TTC28: variants seen among roughly 807,000 people sequenced by gnomAD.
TTC28 encodes the protein tetratricopeptide repeat domain 28, also known as tetratricopeptide repeat protein 28.
Under a neutral mutation model 198.0 loss-of-function variants are expected in TTC28, and 61 were observed. That is an observed-to-expected ratio of 0.31 (90% confidence interval 0.25 to 0.38). The LOEUF (loss-of-function observed/expected upper bound fraction) is 0.38. Among genes scored for constraint, TTC28 ranks in the 10% least tolerant of loss-of-function variants. The pLI is 1.00. For missense variants in TTC28, 2,678 were observed against 3,164.0 expected, an observed-to-expected ratio of 0.85 and a Z score of 3.69; for synonymous variants, 1,171 against 1,297.8, an observed-to-expected ratio of 0.90 and a Z score of 2.10.
intron 5 of TTC28, among the ~76,000 whole-genome samples, chr22:28,210,422 A>C (rs1926829312): frequency 6.6e-6 from 1 of 152,148 alleles, no homozygotes; most frequent in Non-Finnish European, 1.5e-5. Flanking sequence ...AACTAGAATA[A>C]ACAGTGTAGA....
At chr22:28,432,324 A>T (rs1032507207) in intron 2 of TTC28, among the ~76,000 whole-genome samples, 26 of 151,276 alleles carry the variant, frequency 1.7e-4, no homozygotes, top group South Asian at 2.1e-4. Context: ...AAATAAAAAT[A>T]AAAAAATATA....
chr22:28,425,216 G>A (rs1301930558), intron 2 of TTC28, among the ~76,000 whole-genome samples: 3 of 152,180 alleles, frequency 2.0e-5, no homozygotes, highest in African/African-American at 7.2e-5. Context: ...ACTAAATACA[G>A]CTGGATGTGT....
intron 2 of TTC28, among the ~76,000 whole-genome samples, chr22:28,366,359 A>G (rs1376031832): frequency 6.6e-6 from 1 of 152,118 alleles, no homozygotes; most frequent in Non-Finnish European, 1.5e-5. Context: ...TCTTCTCTCA[A>G]TCACCCATTC....
chr22:28,556,289 G>T (rs1007520310), intron 2 of TTC28, among the ~76,000 whole-genome samples: 3 of 152,084 alleles, frequency 2.0e-5, no homozygotes, highest in Non-Finnish European at 4.4e-5. Context: ...AACTCGGGAG[G>T]CAGAGGTTGC....
chr22:28,167,896 T>A (rs534303277), intron 5 of TTC28, among the ~76,000 whole-genome samples: 2 of 152,218 alleles, frequency 1.3e-5, no homozygotes, highest in East Asian at 1.9e-4. Context: ...TGTTTGCAGA[T>A]GACATGATTG....
chr22:28,369,471 A>G (rs1426147612), intron 2 of TTC28, among the ~76,000 whole-genome samples: 1 of 152,210 alleles, frequency 6.6e-6, no homozygotes, highest in Non-Finnish European at 1.5e-5. Context: ...CATAACAAGT[A>G]TTAGATTAGT....
chr22:28,187,991 G>A (rs1343501547), intron 5 of TTC28, among the ~76,000 whole-genome samples: 4 of 152,186 alleles, frequency 2.6e-5, no homozygotes, highest in African/African-American at 7.2e-5. Context: ...TTCAGTTGAT[G>A]TATTCACCAC....
intron 5 of TTC28, among the ~76,000 whole-genome samples, chr22:28,265,493 G>A (rs1931624986): frequency 6.6e-6 from 1 of 152,142 alleles, no homozygotes; most frequent in Non-Finnish European, 1.5e-5. Flanking sequence ...ATCTGCGGCT[G>A]ACTATAAGGA....
chr22:28,317,270 T>C (rs192339134), intron 2 of TTC28, among the ~76,000 whole-genome samples: 21 of 152,326 alleles, frequency 1.4e-4, no homozygotes, highest in Admixed American at 1.3e-3. Context: ...GTCTATTGAT[T>C]GATTTCCTTG....
Position 27,985,237 on chromosome 22 carries a change from G to A in TTC28, c.5815+12C>T. The A allele has an allele frequency of 6.5e-7, 1 of 1,545,402 alleles. No individual in the cohort carries two copies. Among genetic ancestry groups the A allele is most frequent in the Non-Finnish European group, 8.8e-7 (1 of 1,141,720 alleles). On this transcript the variant is annotated intron_variant, in intron 22 of 22. Coordinates refer to ENST00000397906, the MANE Select transcript of TTC28 (RefSeq NM_001145418.2). ...GCCCTGGTGGAGAACTGGTCTGAGG[G>A]CAGGCTCTTACCAAACAGAGACAGC...
chr22:28,434,073 T>C (rs1457792509), intron 2 of TTC28, among the ~76,000 whole-genome samples: 1 of 152,134 alleles, frequency 6.6e-6, no homozygotes, highest in African/African-American at 2.4e-5. Context: ...TTTCTTAGTT[T>C]AATAAGTAGA....
intron 2 of TTC28, among the ~76,000 whole-genome samples, chr22:28,388,295 T>G: frequency 6.6e-6 from 1 of 152,254 alleles, no homozygotes; most frequent in Non-Finnish European, 1.5e-5. Flanking sequence ...TCCAGCTTTG[T>G]TCTTTTGGCT....
chr22:28,007,102 T>C (rs1312349391), intron 14 of TTC28: 1 of 152,164 alleles, frequency 6.6e-6, no homozygotes, highest in South Asian at 2.1e-4. Context: ...AAATGGACTT[T>C]ACTGTCTACA....
intron 2 of TTC28, among the ~76,000 whole-genome samples, chr22:28,570,675 C>A (rs1046894719): frequency 2.0e-5 from 3 of 151,940 alleles, no homozygotes; most frequent in Admixed American, 6.6e-5. Flanking sequence ...GTAACATGTA[C>A]CCCCAATCCT....
At chr22:28,023,548 G>C (rs1938697892) in intron 13 of TTC28, among the ~76,000 whole-genome samples, 1 of 152,206 alleles carries the variant, frequency 6.6e-6, no homozygotes, top group African/African-American at 2.4e-5. Flanking sequence ...CCCTTCCAAA[G>C]GACTTTCCAC....
rs532294094 is a variant in TTC28, at chr22:28,144,903, C to G, written c.1441+18189G>C. On this transcript the variant is annotated intron_variant, in intron 6 of 22. Transcript: ENST00000397906. ...AAGCACTGGTTTGTATTTGAAAAAGCTTCTTAAAGGAAGGGGTGTTTCCTC... is the reference window on the plus strand; with the variant it reads ...AAGCACTGGTTTGTATTTGAAAAAGGTTCTTAAAGGAAGGGGTGTTTCCTC... 2.6e-5 allele frequency among the ~76,000 whole-genome samples: 4 copies of G among 152,194 alleles called. No individual in the cohort carries two copies. In the East Asian group the frequency reaches 7.7e-4, roughly 29 times the overall value.
chr22:28,050,795 C>T (rs2146703681), intron 12 of TTC28, among the ~76,000 whole-genome samples: 1 of 152,298 alleles, frequency 6.6e-6, no homozygotes, highest in South Asian at 2.1e-4. Context: ...GGGAATCCTA[C>T]AGCTAGACCT....
intron 6 of TTC28, among the ~76,000 whole-genome samples, chr22:28,142,785 G>A (rs769615584): frequency 2.6e-5 from 4 of 152,102 alleles, no homozygotes; most frequent in Non-Finnish European, 2.9e-5. Context: ...TGTAACAATC[G>A]GAAAACCATC....
intron 1 of TTC28, among the ~76,000 whole-genome samples, chr22:28,676,876 C>A (rs72617288): frequency 0.13 from 20,463 of 151,946 alleles, 1,701 homozygotes; most frequent in East Asian, 0.36. Flanking sequence ...ATTTTTTAGG[C>A]CAGGCGCAGT....
Sources: allele counts gnomAD v4.1 joint callset (sites outside exome capture counted in the v4.1 genomes callset), GRCh38; gene constraint gnomAD v4.1.1; transcripts MANE v1.5; gene names NCBI Gene and HGNC (gene_info 2026-07-23, HGNC 2026-07-21).